RIF1: variants seen among roughly 807,000 people sequenced by gnomAD.
The protein encoded by RIF1 is telomere-associated protein RIF1.
In RIF1, 45 loss-of-function variants were observed where a neutral mutation model predicts 247.1. The ratio of observed to expected loss-of-function variants is 0.18; its 90% confidence interval spans 0.14 to 0.23. The LOEUF is 0.23. Ranked by LOEUF, RIF1 falls within the 10% of genes least tolerant of loss-of-function variation. RIF1 has a pLI of 1.00. For synonymous variants in RIF1, 1,087 were observed against 978.8 expected (o/e 1.11, Z -2.06); for missense variants, 2,967 against 2,862.5 (o/e 1.04, Z -0.83).
In RIF1 at chr2:151,481,890, C is replaced by T. The variant is rs890089872; in HGVS notation, c.*6819C>T. On this transcript the variant is annotated 3_prime_UTR_variant, in exon 36 of 36. Transcript: ENST00000444746. ...CAGTCTCATCCTGAAACCATCTACCCCAACACCTGTGTCTGTGGAAATTGT... is the reference window on the plus strand; with the variant it reads ...CAGTCTCATCCTGAAACCATCTACCTCAACACCTGTGTCTGTGGAAATTGT... 2 of 152,206 alleles carry T rather than the reference C, an allele frequency of 1.3e-5. No individual in the cohort carries two copies. Among genetic ancestry groups the T allele is most frequent in the African/African-American group, 4.8e-5 (2 of 41,446 alleles). The allele number at this position is 152,206 out of a possible 1,614,324, so 9.4% of individuals were successfully genotyped here. A position where few individuals can be genotyped will look rare whatever the true frequency, so the allele number is the denominator to read the frequency against.
chr2:151,458,403 T>A (rs867973085), intron 24 of RIF1, among the ~76,000 whole-genome samples: 1 of 151,916 alleles, frequency 6.6e-6, no homozygotes, highest in South Asian at 2.1e-4. Context: ...TGGCTAATTT[T>A]TTGTATTTTT....
At chr2:151,518,198 C>T in the RIF1 span, 1 of 766,614 alleles carries the variant, frequency 1.3e-6, no homozygotes, top group Non-Finnish European at 2.3e-6. Context: ...TTACCAGATT[C>T]AAAACCCCTT....
At position 151,426,407 on chromosome 2, in the gene RIF1, C is replaced by A. The variant is rs150881925; in HGVS notation, c.787-2377C>A. On this transcript the variant is annotated intron_variant, in intron 8 of 35. Coordinates refer to ENST00000444746, the MANE Select transcript of RIF1 (RefSeq NM_018151.5). ...GCCAGGCTGGTCTCGAACTCCTGACCTTGTAATCCTCCCGCCTTGGCCTCC... is the reference window on the plus strand; with the variant it reads ...GCCAGGCTGGTCTCGAACTCCTGACATTGTAATCCTCCCGCCTTGGCCTCC... Among the ~76,000 whole-genome samples, 1,288 of 151,894 alleles carry A rather than the reference C, an allele frequency of 8.5e-3. 25 individuals are homozygous for A. Among genetic ancestry groups the A allele is most frequent in the African/African-American group, 0.03 (1,228 of 41,436 alleles).
intron 14 of RIF1, among the ~76,000 whole-genome samples, chr2:151,439,579 G>A (rs572602274): frequency 1.3e-4 from 19 of 151,038 alleles, no homozygotes; most frequent in Non-Finnish European, 1.9e-4. Context: ...TGAGGCAGGA[G>A]AATTGCTTGA....
chr2:151,464,513 A>G lies in RIF1; in HGVS notation c.4993A>G (p.Thr1665Ala), dbSNP rs61748232. 3.8e-5 allele frequency: 62 copies of G among 1,612,180 alleles called. No individual in the cohort carries two copies. Among genetic ancestry groups the G allele is most frequent in the Non-Finnish European group, 4.8e-5 (57 of 1,179,530 alleles). ...ETSKYAEYSF[T>A]SLPVPESNLR... Reference sequence around the variant, plus strand: ...TAGCAAATATGCAGAATATTCCTTTACAAGTCTACCTGTGCCAGAATCAAA... The same window carrying G: ...TAGCAAATATGCAGAATATTCCTTTGCAAGTCTACCTGTGCCAGAATCAAA... Residue 1665 changes from threonine to alanine, a missense_variant, in exon 30 of 36, where the codon ACA becomes GCA. Thr to Ala is a moderately conservative substitution (Grantham distance 58, BLOSUM62 0). Coordinates refer to ENST00000444746, the MANE Select transcript of RIF1 (RefSeq NM_018151.5).
chr2:151,445,364 C>T lies in RIF1; in HGVS notation c.2013C>T (p.Ala671=). 1 of 1,604,938 alleles carries T rather than the reference C, an allele frequency of 6.2e-7. No homozygotes were observed. Residue 671 remains alanine (A), a synonymous_variant, in exon 19 of 36, where the codon GCC becomes GCT. Coordinates refer to ENST00000444746, the MANE Select transcript of RIF1 (RefSeq NM_018151.5). ...NQTNEVNQGD[A]LEHNFSAIYG... is the part of the protein sequence containing the mutation. ...CCAATGAAGTAAATCAAGGTGATGC[C>T]TTAGAACATAATTTTAGTGCCATCT...
Position 151,478,129 on chromosome 2 carries a change from G to A in RIF1, c.*3058G>A, listed in dbSNP as rs2049017145. On this transcript the variant is annotated 3_prime_UTR_variant, in exon 36 of 36. Coordinates refer to ENST00000444746, the MANE Select transcript of RIF1 (RefSeq NM_018151.5). ...TTGTACAAGTTTGAAAACCATTGTT[G>A]AATCATATGGAGCTTTACTCTAATT... 6.6e-6 allele frequency: 1 copy of A among 152,178 alleles called. No homozygotes were observed. Among genetic ancestry groups the A allele is most frequent in the Non-Finnish European group, 1.5e-5 (1 of 68,036 alleles). The allele number at this position is 152,178 out of a possible 1,614,324, so 9.4% of individuals were successfully genotyped here. A position where few individuals can be genotyped will look rare whatever the true frequency, so the allele number is the denominator to read the frequency against.
chr2:151,461,386 T>A, intron 27 of RIF1, 97 bp downstream of exon 27: 3 of 1,162,498 alleles, frequency 2.6e-6, no homozygotes, highest in Non-Finnish European at 3.7e-6. Context: ...AAAATATGTG[T>A]ACTAATTTTT....
intron 9 of RIF1, chr2:151,491,839 G>T: frequency 1.5e-6 from 2 of 1,336,734 alleles, no homozygotes; most frequent in Middle Eastern, 1.8e-4. Context: ...TGAAAACCAA[G>T]GCATGAATTT....
intron 12 of RIF1, chr2:151,505,387 C>G: frequency 8.8e-7 from 1 of 1,132,842 alleles, no homozygotes; most frequent in Non-Finnish European, 1.3e-6. Context: ...CATGGAAGCT[C>G]TTGATAGGAA....
chr2:151,485,168 C>T (rs2049508631), downstream of RIF1, among the ~76,000 whole-genome samples: 1 of 152,292 alleles, frequency 6.6e-6, no homozygotes, highest in South Asian at 2.1e-4. Context: ...TAGAAGCTTG[C>T]TGAATGCAAG....
intron 17 of RIF1, 93 bp downstream of exon 17, chr2:151,443,422 TA>T (rs768044580): frequency 3.2e-5 from 43 of 1,340,778 alleles, no homozygotes; most frequent in African/African-American, 1.0e-4. Context: ...TAAGTTTTTT[TA>T]AAAAAAATTC....
intron 27 of RIF1, among the ~76,000 whole-genome samples, chr2:151,461,556 T>C (rs1415094108): frequency 1.3e-5 from 2 of 151,880 alleles, no homozygotes; most frequent in Non-Finnish European, 2.9e-5. Flanking sequence ...CACGCCCGGC[T>C]AATTTTTTTG....
At chr2:151,491,596 A>G in intron 9 of RIF1, 1 of 1,118,272 alleles carries the variant, frequency 8.9e-7, no homozygotes, top group Non-Finnish European at 1.3e-6. Context: ...TCTGGAGGGA[A>G]GGAACTTCAG....
At chr2:151,420,734 C>T (rs970599609) in intron 7 of RIF1, among the ~76,000 whole-genome samples, 1 of 111,844 alleles carries the variant, frequency 8.9e-6, no homozygotes, top group South Asian at 3.0e-4. Context: ...GACCCTGTCT[C>T]AAAAAAAAAA....
chr2:151,448,965 G>A (rs1292470070), intron 20 of RIF1, among the ~76,000 whole-genome samples: 1 of 152,176 alleles, frequency 6.6e-6, no homozygotes, highest in Non-Finnish European at 1.5e-5. Flanking sequence ...ACCCTGTTGA[G>A]ATTTTGCTTG....
chr2:151,460,746 T>A (rs780282326), intron 26 of RIF1, among the ~76,000 whole-genome samples: 1 of 152,220 alleles, frequency 6.6e-6, no homozygotes, highest in Non-Finnish European at 1.5e-5. Flanking sequence ...TAAGATAATA[T>A]TGTAGTACCA....
At chr2:151,532,348 T>TGTTTTAC in the RIF1 span, among the ~76,000 whole-genome samples, 8 of 152,318 alleles carry the variant, frequency 5.3e-5, no homozygotes, top group Admixed American at 5.2e-4. Flanking sequence ...TGACAAATAT[T>TGTTTTAC]GTTTTACTCA....
the RIF1 span, chr2:151,525,061 A>G: frequency 1.1e-6 from 1 of 889,146 alleles, no homozygotes; most frequent in Non-Finnish European, 1.8e-6. Context: ...TGAAACTACC[A>G]CAGAGGAATT....
Sources: allele counts gnomAD v4.1 joint callset (sites outside exome capture counted in the v4.1 genomes callset), GRCh38; gene constraint gnomAD v4.1.1; transcripts MANE v1.5; gene names NCBI Gene and HGNC (gene_info 2026-07-23, HGNC 2026-07-21).